Variants in CNTN4 observed in about 807,000 individuals in gnomAD.
The protein encoded by CNTN4 is contactin-4.
Under a neutral mutation model 122.5 loss-of-function variants are expected in CNTN4, and 77 were observed. The observed-to-expected ratio is 0.63, with a 90% CI of 0.52 to 0.76. The LOEUF (loss-of-function observed/expected upper bound fraction) is 0.76. Ranked by LOEUF, CNTN4 falls within the 30% of genes least tolerant of loss-of-function variation. The pLI is 0.00. For synonymous variants in CNTN4, 512 were observed against 447.0 expected (o/e 1.15, Z -1.83); for missense variants, 1,256 against 1,259.1 (o/e 1.00, Z 0.04).
At chr3:2,119,975 T>C (rs554367383) in intron 2 of CNTN4, among the ~76,000 whole-genome samples, 1 of 152,220 alleles carries the variant, frequency 6.6e-6, no homozygotes, top group South Asian at 2.1e-4. Context: ...CAAGAAAGGC[T>C]TCTTGGTAAA....
chr3:2,419,972 G>A (rs1317528183), intron 3 of CNTN4, among the ~76,000 whole-genome samples: 1 of 152,142 alleles, frequency 6.6e-6, no homozygotes, highest in African/African-American at 2.4e-5. Flanking sequence ...TCCCAGGTGT[G>A]GATGCTGCCA....
At chr3:2,264,151 A>G (rs1169972397) in intron 2 of CNTN4, among the ~76,000 whole-genome samples, 2 of 152,170 alleles carry the variant, frequency 1.3e-5, no homozygotes, top group East Asian at 3.8e-4. Context: ...TTGCTGGATC[A>G]TATGGTAATT....
chr3:2,351,723 A>G (rs547086296), intron 3 of CNTN4, among the ~76,000 whole-genome samples: 8 of 152,224 alleles, frequency 5.3e-5, no homozygotes, highest in African/African-American at 1.7e-4. Flanking sequence ...AACTCCAGAA[A>G]GCAAACCATA....
intron 2 of CNTN4, among the ~76,000 whole-genome samples, chr3:2,220,544 A>G (rs1000355427): frequency 7.9e-5 from 12 of 152,142 alleles, no homozygotes; most frequent in Non-Finnish European, 1.5e-4. Context: ...AATATTTTCC[A>G]TGGAAACTAC....
chr3:2,324,774 G>A (rs925054937), intron 2 of CNTN4, among the ~76,000 whole-genome samples: 3 of 151,968 alleles, frequency 2.0e-5, no homozygotes, highest in Non-Finnish European at 4.4e-5. Context: ...CTTCTCCAGG[G>A]GGCTGGACAA....
At chr3:2,490,221 C>T (rs79907310) in intron 3 of CNTN4, among the ~76,000 whole-genome samples, 1 of 152,332 alleles carries the variant, frequency 6.6e-6, no homozygotes, top group East Asian at 1.9e-4. Flanking sequence ...AAGGCACACG[C>T]TCATCTGAGC....
intron 3 of CNTN4, among the ~76,000 whole-genome samples, chr3:2,435,645 A>G (rs753913670): frequency 6.6e-6 from 1 of 152,154 alleles, no homozygotes; most frequent in Admixed American, 6.5e-5. Context: ...CTCCCAAAAA[A>G]TGCTAATGCT....
chr3:2,368,153 C>T (rs2045481629), intron 3 of CNTN4, among the ~76,000 whole-genome samples: 1 of 151,428 alleles, frequency 6.6e-6, no homozygotes, highest in African/African-American at 2.4e-5. Flanking sequence ...CTGCCTCAGC[C>T]TCCCGAGTAG....
In CNTN4 at chr3:2,181,817, A is replaced by G. The variant is rs116166168; in HGVS notation, c.-145+81178A>G. ...GGCTAATGAAAATAAATTCCCGGTC[A>G]GAGAAAATGGCAGTTGCACGAGTTT... On this transcript the variant is annotated intron_variant, in intron 2 of 24. Coordinates refer to ENST00000418658, the MANE Select transcript of CNTN4 (RefSeq NM_175607.3). Among the ~76,000 whole-genome samples the G allele has an allele frequency of 6.5e-3, 988 of 152,274 alleles. 4 individuals are homozygous for G. The highest frequency in any genetic ancestry group is 0.031 in the Middle Eastern group (9 of 294).
intron 4 of CNTN4, among the ~76,000 whole-genome samples, chr3:2,592,745 C>T (rs910486646): frequency 6.6e-6 from 1 of 152,200 alleles, no homozygotes; most frequent in African/African-American, 2.4e-5. Flanking sequence ...TCTTCATCAG[C>T]AGTGTGAAAA....
In CNTN4 at chr3:2,693,207, A is replaced by C. The variant is rs190539449; in HGVS notation, c.56-43008A>C. ...TTTTTGTTTCTTTGAGCTAAAATTT[A>C]TATAACCTGAAACACACAGATCTTA... On this transcript the variant is annotated intron_variant, in intron 4 of 24. Coordinates refer to ENST00000418658, the MANE Select transcript of CNTN4 (RefSeq NM_175607.3). Among the ~76,000 whole-genome samples the C allele has an allele frequency of 2.6e-4, 39 of 152,286 alleles. No homozygotes were observed. In the East Asian group the frequency reaches 5.8e-3, roughly 23 times the overall value.
At chr3:2,207,758 G>A (rs1479135927) in intron 2 of CNTN4, among the ~76,000 whole-genome samples, 1 of 152,120 alleles carries the variant, frequency 6.6e-6, no homozygotes, top group East Asian at 1.9e-4. Flanking sequence ...GAGATTTTCA[G>A]TGTAGATGAA....
intron 2 of CNTN4, among the ~76,000 whole-genome samples, chr3:2,190,303 T>TG (rs2037467791): frequency 1.3e-5 from 2 of 149,354 alleles, no homozygotes; most frequent in African/African-American, 4.9e-5. Flanking sequence ...CACATCTGAC[T>TG]TGTGTGTGTG....
intron 6 of CNTN4, among the ~76,000 whole-genome samples, chr3:2,757,334 G>A (rs1240314153): frequency 6.6e-6 from 1 of 152,106 alleles, no homozygotes; most frequent in Non-Finnish European, 1.5e-5. Context: ...TCTCCATAGG[G>A]CAATGATTTG....
chr3:2,824,890 C>G (rs955840634), intron 7 of CNTN4, among the ~76,000 whole-genome samples: 2 of 151,908 alleles, frequency 1.3e-5, no homozygotes, highest in African/African-American at 4.8e-5. Context: ...CTCAAACTCC[C>G]GACCTCAAGT....
At chr3:2,471,833 C>G (rs747710442) in intron 3 of CNTN4, among the ~76,000 whole-genome samples, 1 of 152,174 alleles carries the variant, frequency 6.6e-6, no homozygotes, top group Non-Finnish European at 1.5e-5. Context: ...TGGGTCTTAG[C>G]TTCTGAGCAC....
intron 22 of CNTN4, 152 bp from the exon 23 acceptor site, chr3:3,043,440 G>T: frequency 1.4e-6 from 1 of 732,600 alleles, no homozygotes; most frequent in Non-Finnish European, 2.4e-6. Flanking sequence ...TTGCAATGCT[G>T]TATCTCATCA....
At chr3:2,297,610 G>T (rs546750636) in intron 2 of CNTN4, among the ~76,000 whole-genome samples, 11 of 152,008 alleles carry the variant, frequency 7.2e-5, no homozygotes, top group Admixed American at 1.3e-4. Context: ...TTTCTTACTT[G>T]TTATTTTTAT....
chr3:2,949,688 C>G (rs758826944), intron 13 of CNTN4, among the ~76,000 whole-genome samples: 20 of 152,174 alleles, frequency 1.3e-4, no homozygotes, highest in Admixed American at 4.6e-4. Context: ...TGGTTGCTGT[C>G]CTTTCCAAGC....
Sources: gnomAD v4.1 joint callset for allele counts (sites outside exome capture counted in the v4.1 genomes callset) on GRCh38, gnomAD v4.1.1 for gene constraint, MANE v1.5 for transcripts, NCBI Gene and HGNC (gene_info 2026-07-23, HGNC 2026-07-21) for gene names.